Variants in TLN2 observed in about 807,000 individuals in gnomAD.
TLN2 encodes talin 2.
Under a neutral mutation model 294.7 loss-of-function variants are expected in TLN2, and 118 were observed. That is an observed-to-expected ratio of 0.40 (90% confidence interval 0.34 to 0.47). The LOEUF is 0.47. TLN2 is among the 20% of genes least tolerant of loss of function. TLN2 has a pLI of 0.84. For synonymous variants in TLN2, 1,431 were observed against 1,304.5 expected (o/e 1.10, Z -2.09); for missense variants, 3,083 against 3,282.2 (o/e 0.94, Z 1.48).
chr15:62,603,276 G>C (rs12915312), intron 2 of TLN2, among the ~76,000 whole-genome samples: 44,541 of 152,064 alleles, frequency 0.29, 6,857 homozygotes, highest in East Asian at 0.42. Context: ...ACGGTTTATC[G>C]TTGTAGTGGT....
At chr15:62,577,312 G>A (rs887657871) in intron 1 of TLN2, among the ~76,000 whole-genome samples, 29 of 151,958 alleles carry the variant, frequency 1.9e-4, no homozygotes, top group Non-Finnish European at 2.9e-4. Context: ...GTGTGGTGGC[G>A]CATGCCTTTA....
intron 1 of TLN2, among the ~76,000 whole-genome samples, chr15:62,521,585 G>A: frequency 6.6e-6 from 1 of 152,142 alleles, no homozygotes; most frequent in East Asian, 1.9e-4. Flanking sequence ...GAGTTAAGAT[G>A]AGGGGGGTTG....
At chr15:62,632,757 C>T (rs532730178) in intron 3 of TLN2, among the ~76,000 whole-genome samples, 3 of 152,334 alleles carry the variant, frequency 2.0e-5, no homozygotes, top group African/African-American at 7.2e-5. Context: ...CCACAAAATA[C>T]TGTGTCCTAG....
In TLN2 at chr15:62,698,720, T is replaced by C. The variant is rs1052375719; in HGVS notation, c.1474-34T>C. On this transcript the variant is annotated intron_variant, in intron 15 of 58. Transcript: ENST00000636159. The stretch of plus-strand genomic sequence containing the variant: ...AAGGGCCATGTCGGTCCCAGGCGTG[T>C]GGGATGACAGCTTTGTTTCATTTGC... The C allele has an allele frequency of 5.1e-6, 8 of 1,577,656 alleles. No individual in the cohort carries two copies. In the Admixed American group the frequency reaches 1.2e-4, roughly 23 times the overall value.
intron 43 of TLN2, among the ~76,000 whole-genome samples, chr15:62,778,775 C>A (rs182264387): frequency 7.2e-5 from 11 of 152,372 alleles, no homozygotes; most frequent in South Asian, 2.1e-4. Context: ...AGGCCAGGAG[C>A]TGTTCTTCCC....
chr15:62,645,989 A>G (rs1181743054), intron 3 of TLN2, among the ~76,000 whole-genome samples: 1 of 152,200 alleles, frequency 6.6e-6, no homozygotes, highest in East Asian at 1.9e-4. Flanking sequence ...AGTAGGGGAC[A>G]GGTAAGTTTC....
At chr15:62,834,831 G>A (rs1318437649) in intron 55 of TLN2, 1 of 152,048 alleles carries the variant, frequency 6.6e-6, no homozygotes, top group South Asian at 2.1e-4. Context: ...ATTGATAAAG[G>A]GCTATGTGTC....
intron 1 of TLN2, among the ~76,000 whole-genome samples, chr15:62,464,575 A>T (rs187570809): frequency 0.016 from 1,702 of 108,660 alleles, 45 homozygotes; most frequent in African/African-American, 0.054. Flanking sequence ...AGTATATTTA[A>T]AAAAAAAAAA....
chr15:62,754,113 C>T, intron 36 of TLN2, 197 bp downstream of exon 36: 1 of 720,542 alleles, frequency 1.4e-6, no homozygotes, highest in Non-Finnish European at 2.0e-6. Flanking sequence ...TTGTAAGTGC[C>T]TTGAAATGGG....
intron 1 of TLN2, among the ~76,000 whole-genome samples, chr15:62,417,966 A>G (rs1209974794): frequency 6.6e-6 from 1 of 152,132 alleles, no homozygotes; most frequent in Non-Finnish European, 1.5e-5. Flanking sequence ...CTTAAGTTCT[A>G]CCTGGTATTT....
intron 52 of TLN2, among the ~76,000 whole-genome samples, chr15:62,816,378 C>T (rs1348245834): frequency 6.6e-6 from 1 of 152,338 alleles, no homozygotes; most frequent in South Asian, 2.1e-4. Context: ...AGATCTTTGG[C>T]AGGGCTAAAA....
chr15:62,682,269 T>G (rs1379393274), intron 11 of TLN2, among the ~76,000 whole-genome samples: 1 of 152,258 alleles, frequency 6.6e-6, no homozygotes, highest in Non-Finnish European at 1.5e-5. Flanking sequence ...GAATTTTATG[T>G]AATTTTTCTC....
chr15:62,640,184 T>C, intron 3 of TLN2: 1 of 456,014 alleles, frequency 2.2e-6, no homozygotes. Context: ...CTTCTCTTCC[T>C]CTCTTGTAGA....
chr15:62,501,029 G>A (rs902750350), intron 1 of TLN2, among the ~76,000 whole-genome samples: 11 of 152,166 alleles, frequency 7.2e-5, no homozygotes, highest in South Asian at 2.1e-4. Flanking sequence ...ACTGAAAAAC[G>A]CATCTTGTGC....
Position 62,774,307 on chromosome 15 carries a change from T to A in TLN2, c.5368-2457T>A, listed in dbSNP as rs139097747. Reference sequence around the variant, plus strand: ...CATGTGTCTGAAAAAGAATGGAATCTGGTTTTTCTCTTGTGTGGTGCCATG... The same window carrying A: ...CATGTGTCTGAAAAAGAATGGAATCAGGTTTTTCTCTTGTGTGGTGCCATG... On this transcript the variant is annotated intron_variant, in intron 42 of 58. Coordinates refer to ENST00000636159, the MANE Select transcript of TLN2 (RefSeq NM_015059.3). Among the ~76,000 whole-genome samples, 877 of 152,316 alleles carry A rather than the reference T, an allele frequency of 5.8e-3. 11 individuals carry two copies. The highest frequency in any genetic ancestry group is 0.019 in the African/African-American group (791 of 41,572).
intron 26 of TLN2, 109 bp downstream of exon 26, chr15:62,722,596 C>T: frequency 7.5e-7 from 1 of 1,339,454 alleles, no homozygotes; most frequent in Non-Finnish European, 9.8e-7. Flanking sequence ...CAAAGTTGTC[C>T]ATTCTACTTG....
intron 43 of TLN2, among the ~76,000 whole-genome samples, chr15:62,780,836 C>A (rs766635102): frequency 3.9e-5 from 6 of 152,140 alleles, no homozygotes; most frequent in Non-Finnish European, 8.8e-5. Flanking sequence ...TCTTGGGATG[C>A]CTTTCCCACC....
chr15:62,595,266 A>G (rs931736205), intron 2 of TLN2, among the ~76,000 whole-genome samples: 2 of 152,068 alleles, frequency 1.3e-5, no homozygotes, highest in African/African-American at 4.8e-5. Flanking sequence ...CTGAAAATAC[A>G]AAAATTAACC....
At chr15:62,461,935 T>A (rs1396334883) in intron 1 of TLN2, among the ~76,000 whole-genome samples, 1 of 152,180 alleles carries the variant, frequency 6.6e-6, no homozygotes, top group Non-Finnish European at 1.5e-5. Context: ...AAGGGCTGTA[T>A]CTGTCTGTAC....
Sources: allele counts gnomAD v4.1 joint callset (sites outside exome capture counted in the v4.1 genomes callset), GRCh38; gene constraint gnomAD v4.1.1; transcripts MANE v1.5; gene names NCBI Gene and HGNC (gene_info 2026-07-23, HGNC 2026-07-21).